The following DMTF1 variants were observed in gnomAD, a reference collection of about 807,000 sequenced individuals.
The protein encoded by DMTF1 is cyclin D binding myb like transcription factor 1, also known as cyclin-D-binding Myb-like transcription factor 1.
Under a neutral mutation model 91.1 loss-of-function variants are expected in DMTF1, and 39 were observed. The observed-to-expected ratio is 0.43, with a 90% CI of 0.33 to 0.56. The LOEUF (loss-of-function observed/expected upper bound fraction) is 0.56. DMTF1 is among the 20% of genes least tolerant of loss of function. The probability of loss-of-function intolerance (pLI) is 0.05; values close to 1 mark genes in which losing one functional copy is unlikely to be tolerated. For synonymous variants in DMTF1, 338 were observed against 309.5 expected (o/e 1.09, Z -0.97); for missense variants, 750 against 914.5 (o/e 0.82, Z 2.32).
intron 1 of DMTF1, among the ~76,000 whole-genome samples, chr7:87,159,810 GT>G (rs1791789474): frequency 6.6e-6 from 1 of 152,174 alleles, no homozygotes; most frequent in South Asian, 2.1e-4. Flanking sequence ...TGAGTACAAT[GT>G]TAACACAATG....
At chr7:87,182,031 C>T in intron 9 of DMTF1, 197 bp from the exon 10 acceptor site, 1 of 1,529,452 alleles carries the variant, frequency 6.5e-7, no homozygotes, top group Non-Finnish European at 8.7e-7. Flanking sequence ...AAGGCAATTG[C>T]TGCCTGTTTT....
intron 9 of DMTF1, among the ~76,000 whole-genome samples, chr7:87,181,579 A>G (rs929512150): frequency 1.3e-5 from 2 of 152,164 alleles, no homozygotes; most frequent in African/African-American, 2.4e-5. Flanking sequence ...GACCACTAAT[A>G]GGGGTTCCAG....
rs369021243 is a variant in DMTF1 at position 87,164,922 on chromosome 7, G to C, written c.-8-12G>C. On this transcript the variant is annotated splice_polypyrimidine_tract_variant and intron_variant, in intron 2 of 17. Coordinates refer to ENST00000331242, the MANE Select transcript of DMTF1 (RefSeq NM_001142327.2). ...TTTTTGAAATCCTGATCTGGAATCT[G>C]TTCTTGTACAGATTTGAGTATGAGC... The C allele has an allele frequency of 5.2e-6, 8 of 1,539,990 alleles. No individual in the cohort carries two copies. The highest frequency in any genetic ancestry group is 1.4e-5 in the African/African-American group (1 of 72,654).
chr7:87,155,077 C>T (rs1348098738), intron 1 of DMTF1, among the ~76,000 whole-genome samples: 2 of 152,132 alleles, frequency 1.3e-5, no homozygotes, highest in East Asian at 3.8e-4. Flanking sequence ...TAAATTAACA[C>T]CTGTGAGGAT....
At chr7:87,161,190 A>G (rs916810733) in intron 1 of DMTF1, among the ~76,000 whole-genome samples, 9 of 152,204 alleles carry the variant, frequency 5.9e-5, no homozygotes, top group Non-Finnish European at 1.3e-4. Context: ...AAAAAAGGTG[A>G]GTCAAGAACA....
In DMTF1 at chr7:87,196,322, T is replaced by C. The variant is rs532749998; in HGVS notation, c.*1182T>C. On this transcript the variant is annotated 3_prime_UTR_variant, in exon 18 of 18. Transcript: ENST00000331242. The stretch of plus-strand genomic sequence containing the variant: ...TAACAGAAATAAAAGAATATTTGTC[T>C]TAAGATGCAAGATTTGTTTTTACAT... 1 of 217,210 alleles carries C rather than the reference T, an allele frequency of 4.6e-6. No homozygotes were observed. Among genetic ancestry groups the C allele is most frequent in the East Asian group, 1.2e-4 (1 of 8,032 alleles). 13.5% of individuals were successfully genotyped at this position (217,210 alleles called of 1,614,324 possible). A position where few individuals can be genotyped will look rare whatever the true frequency, so the allele number is the denominator to read the frequency against.
At chr7:87,187,229 G>T (rs1159176222) in intron 12 of DMTF1, 2 of 152,176 alleles carry the variant, frequency 1.3e-5, no homozygotes, top group South Asian at 2.1e-4. Flanking sequence ...TGAAAATGTG[G>T]TTTTTTAAAA....
intron 5 of DMTF1, among the ~76,000 whole-genome samples, 199 bp from the exon 6 acceptor site, chr7:87,173,336 C>T (rs977813217): frequency 1.4e-4 from 22 of 151,752 alleles, no homozygotes; most frequent in African/African-American, 4.8e-4. Flanking sequence ...TTTCATACTG[C>T]CATAATAAAA....
chr7:87,163,952 A>T (rs1449094441), intron 2 of DMTF1, among the ~76,000 whole-genome samples: 2 of 148,646 alleles, frequency 1.3e-5, no homozygotes, highest in Non-Finnish European at 3.0e-5. Context: ...CTAAGACAGG[A>T]GTATCACTTG....
At chr7:87,179,765 CA>C in intron 8 of DMTF1, 63 bp downstream of exon 8, 1 of 1,435,866 alleles carries the variant, frequency 7.0e-7, no homozygotes, top group African/African-American at 1.5e-5. Context: ...AGGAACTGTC[CA>C]TTTTTTTAAA....
intron 2 of DMTF1, among the ~76,000 whole-genome samples, 190 bp from the exon 3 acceptor site, chr7:87,164,744 A>AT (rs1241318738): frequency 6.6e-6 from 1 of 152,234 alleles, no homozygotes; most frequent in African/African-American, 2.4e-5. Flanking sequence ...GAGATATCTA[A>AT]TTCTAAATAA....
At chr7:87,162,320 C>T (rs1792656712) in intron 1 of DMTF1, among the ~76,000 whole-genome samples, 1 of 152,144 alleles carries the variant, frequency 6.6e-6, no homozygotes, top group African/African-American at 2.4e-5. Flanking sequence ...ATCCTCCTCC[C>T]AAAGTGCTGG....
At chr7:87,179,962 C>T (rs1023053123) in intron 8 of DMTF1, among the ~76,000 whole-genome samples, 4 of 151,960 alleles carry the variant, frequency 2.6e-5, no homozygotes, top group African/African-American at 9.7e-5. Flanking sequence ...AGTAAAGTAA[C>T]ATAAAAAATA....
chr7:87,175,218 A>G (rs1345060687), intron 7 of DMTF1, among the ~76,000 whole-genome samples: 1 of 151,736 alleles, frequency 6.6e-6, no homozygotes, highest in African/African-American at 2.4e-5. Flanking sequence ...ACGGGGTTTC[A>G]CCATGTTGGC....
At chr7:87,194,627 A>G (rs1211912007) in intron 16 of DMTF1, 57 bp from the exon 17 acceptor site, 2 of 1,343,492 alleles carry the variant, frequency 1.5e-6, no homozygotes, top group Non-Finnish European at 2.1e-6. Flanking sequence ...TATACATGGG[A>G]TTTTAAGGAA....
chr7:87,172,628 A>G (rs1479281531), intron 5 of DMTF1, among the ~76,000 whole-genome samples: 2 of 56,184 alleles, frequency 3.6e-5, no homozygotes, highest in Non-Finnish European at 8.3e-5. Flanking sequence ...AGCCGGTGAC[A>G]TTGCTTAGTC....
At chr7:87,194,132 G>A in intron 16 of DMTF1, 30 bp downstream of exon 16, 1 of 1,523,112 alleles carries the variant, frequency 6.6e-7, no homozygotes, top group Non-Finnish European at 8.8e-7. Flanking sequence ...CAACTGAATG[G>A]ATTCTTGCCT....
chr7:87,188,015 C>A, intron 12 of DMTF1, 77 bp from the exon 13 acceptor site: 1 of 1,145,392 alleles, frequency 8.7e-7, no homozygotes, highest in East Asian at 2.4e-5. Context: ...CTCCTTACCT[C>A]CCCCCACCTC....
At chr7:87,179,988 A>G (rs919224776) in intron 8 of DMTF1, among the ~76,000 whole-genome samples, 1 of 152,212 alleles carries the variant, frequency 6.6e-6, no homozygotes, top group African/African-American at 2.4e-5. Context: ...ATGATTAAAG[A>G]TTTAAGAAGT....
Sources: allele counts gnomAD v4.1 joint callset (sites outside exome capture counted in the v4.1 genomes callset), GRCh38; gene constraint gnomAD v4.1.1; transcripts MANE v1.5; gene names NCBI Gene and HGNC (gene_info 2026-07-23, HGNC 2026-07-21).